PRDM16: variants seen among roughly 807,000 people sequenced by gnomAD.
PRDM16 encodes PR/SET domain 16, also known as histone-lysine N-methyltransferase PRDM16.
A neutral mutation model predicts 110.6 loss-of-function variants in PRDM16; 23 were observed. The ratio of observed to expected loss-of-function variants is 0.21; its 90% CI spans 0.15 to 0.29. PRDM16 has a LOEUF of 0.29. PRDM16 is among the 10% of genes least tolerant of loss of function. PRDM16 has a pLI of 1.00. For synonymous variants in PRDM16, 799 were observed against 781.8 expected (o/e 1.02, Z -0.37); for missense variants, 1,615 against 1,794.3 (o/e 0.90, Z 1.81).
In PRDM16 at chr1:3,418,699, A is replaced by G. The variant is rs2100677668; in HGVS notation, c.2894A>G (p.Asn965Ser). ...GGGAAGATCTTCCCCAGATCAGCCA[A>G]TCTCACCAGACACCTGAGGACGCAC... ...YCGKIFPRSA[N>S]LTRHLRTHTG... Residue 965 changes from asparagine (N) to serine (S), a missense_variant, in exon 12 of 17, where the codon AAT becomes AGT. By Grantham distance (46) the Asn-to-Ser change is conservative (BLOSUM62 1). This residue lies in a region of PRDM16 where 18 missense variants were observed against 75.2 expected (regional missense o/e 0.24). Transcript: ENST00000270722. 1 of 1,613,758 alleles carries G rather than the reference A, an allele frequency of 6.2e-7. No homozygotes were observed. The highest frequency in any genetic ancestry group is 8.5e-7 in the Non-Finnish European group (1 of 1,179,864).
chr1:3,332,102 G>A (rs887425990), intron 3 of PRDM16, among the ~76,000 whole-genome samples: 23 of 152,342 alleles, frequency 1.5e-4, no homozygotes, highest in Admixed American at 6.5e-4. Context: ...CCAAGCCCCC[G>A]ACCCTCCTGC....
intron 3 of PRDM16, among the ~76,000 whole-genome samples, chr1:3,327,868 G>GC (rs1641952458): frequency 1.3e-5 from 2 of 152,212 alleles, no homozygotes; most frequent in Non-Finnish European, 2.9e-5. Flanking sequence ...GGAAGCCAAG[G>GC]CCACTGTTAC....
chr1:3,136,355 T>G (rs1368810815), intron 1 of PRDM16, among the ~76,000 whole-genome samples: 1 of 152,170 alleles, frequency 6.6e-6, no homozygotes, highest in African/African-American at 2.4e-5. Context: ...GTGTCGTCCA[T>G]TTTACAGACG....
intron 3 of PRDM16, among the ~76,000 whole-genome samples, chr1:3,271,777 G>A (rs940663538): frequency 6.6e-6 from 1 of 152,160 alleles, no homozygotes; most frequent in Admixed American, 6.5e-5. Flanking sequence ...TGGCTGGCAC[G>A]GGACCATCTC....
chr1:3,227,041 G>A (rs1431921144), intron 2 of PRDM16, among the ~76,000 whole-genome samples: 1 of 152,236 alleles, frequency 6.6e-6, no homozygotes, highest in Non-Finnish European at 1.5e-5. Context: ...TTTAATAATA[G>A]GCTAATAACT....
rs753516768 is a variant in PRDM16 at position 3,432,128 on chromosome 1, G to C, written c.3684G>C (p.Gln1228His). The C allele has an allele frequency of 6.2e-7, 1 of 1,613,386 alleles. No individual in the cohort carries two copies. Among genetic ancestry groups the C allele is most frequent in the Non-Finnish European group, 8.5e-7 (1 of 1,179,710 alleles). The change falls in exon 16 of 17, where the codon CAG becomes CAC. Residue 1228 changes from glutamine (Q) to histidine (H), a missense_variant. By Grantham distance (24) the Gln-to-His change is conservative. This residue lies in a region of PRDM16 where 327 missense variants were observed against 359.3 expected (regional missense o/e 0.91). Coordinates refer to ENST00000270722, the MANE Select transcript of PRDM16 (RefSeq NM_022114.4). The stretch of plus-strand genomic sequence containing the variant: ...CTTTAAAACATACACTGTGCAGGCA[G>C]GCTAAGAACCAGGTAGGTACCCGCC... ...SEALKHTLCR[Q>H]AKNQAYAMML... is the part of the protein sequence containing the mutation.
chr1:3,431,166 G>A (rs942638999), intron 15 of PRDM16, 58 bp downstream of exon 15: 37 of 1,525,186 alleles, frequency 2.4e-5, no homozygotes, highest in South Asian at 6.1e-5. Flanking sequence ...CGTCCATCAC[G>A]AGGGGGACCT....
intron 3 of PRDM16, among the ~76,000 whole-genome samples, chr1:3,321,103 C>A (rs1181002402): frequency 6.6e-6 from 1 of 152,144 alleles, no homozygotes; most frequent in Non-Finnish European, 1.5e-5. Context: ...TGTGCAAGAC[C>A]AGGGGACTTT....
intron 1 of PRDM16, among the ~76,000 whole-genome samples, chr1:3,101,352 T>C (rs916505816): frequency 3.9e-5 from 6 of 152,202 alleles, no homozygotes; most frequent in Non-Finnish European, 7.3e-5. Context: ...AGGGCCGTAT[T>C]GTCTGGCCAG....
At chr1:3,192,138 G>T (rs1428198229) in intron 2 of PRDM16, among the ~76,000 whole-genome samples, 2 of 152,198 alleles carry the variant, frequency 1.3e-5, no homozygotes, top group African/African-American at 4.8e-5. Flanking sequence ...TGCTGCAGGA[G>T]ATTGTGTGTG....
intron 2 of PRDM16, among the ~76,000 whole-genome samples, chr1:3,221,580 T>C (rs557754132): frequency 7.2e-5 from 11 of 152,314 alleles, no homozygotes; most frequent in African/African-American, 2.2e-4. Flanking sequence ...CCAATGAACG[T>C]CATGCACTGC....
At chr1:3,285,114 G>A (rs1640816690) in intron 3 of PRDM16, among the ~76,000 whole-genome samples, 1 of 152,190 alleles carries the variant, frequency 6.6e-6, no homozygotes, top group African/African-American at 2.4e-5. Flanking sequence ...CCAGCCCCCA[G>A]CATTTCCTGC....
intron 1 of PRDM16, among the ~76,000 whole-genome samples, chr1:3,101,337 G>A (rs1642528945): frequency 6.6e-6 from 1 of 152,216 alleles, no homozygotes; most frequent in African/African-American, 2.4e-5. Context: ...GGAGATTAAA[G>A]CCCCAGGGCC....
chr1:3,072,505 CTG>C (rs1175953613), intron 1 of PRDM16, among the ~76,000 whole-genome samples: 7 of 152,190 alleles, frequency 4.6e-5, no homozygotes, highest in Admixed American at 1.3e-4. Flanking sequence ...TAGATGGGGA[CTG>C]TGTGTGTCTT....
intron 3 of PRDM16, among the ~76,000 whole-genome samples, chr1:3,294,815 C>T (rs916933902): frequency 1.3e-5 from 2 of 152,308 alleles, no homozygotes; most frequent in African/African-American, 2.4e-5. Flanking sequence ...ATCACGGGCA[C>T]GGCCAATGTT....
At chr1:3,402,344 A>G (rs1276712595) in intron 5 of PRDM16, among the ~76,000 whole-genome samples, 1 of 152,254 alleles carries the variant, frequency 6.6e-6, no homozygotes, top group African/African-American at 2.4e-5. Flanking sequence ...CGTAAACTTA[A>G]TAATAGCTGC....
chr1:3,350,004 G>A lies in PRDM16; in HGVS notation c.439-35148G>A, dbSNP rs570577982. Among the ~76,000 whole-genome samples the A allele has an allele frequency of 6.6e-6, 1 of 152,172 alleles. No individual in the cohort carries two copies. The highest frequency in any genetic ancestry group is 1.5e-5 in the Non-Finnish European group (1 of 68,012). On this transcript the variant is annotated intron_variant, in intron 3 of 16. Transcript: ENST00000270722. The surrounding 1 kb of genome is among the most constrained non-coding windows in gnomAD (Gnocchi z 7.1). ...TGGAGGAGACAGCAGTCAGAGGCCT[G>A]GACCTGACTCCTGTCTTTGAGGGGG...
At chr1:3,409,494 C>T (rs1643632112) in intron 8 of PRDM16, among the ~76,000 whole-genome samples, 1 of 152,150 alleles carries the variant, frequency 6.6e-6, no homozygotes, top group African/African-American at 2.4e-5. Flanking sequence ...GATGAAAGAA[C>T]ACGATCATCT....
intron 4 of PRDM16, chr1:3,386,766 G>A (rs931250263): frequency 1.3e-5 from 2 of 152,226 alleles, no homozygotes; most frequent in African/African-American, 2.4e-5. Context: ...GATTTGCAGA[G>A]TGTGTCCTTA....
Sources: gnomAD v4.1 joint callset for allele counts (sites outside exome capture counted in the v4.1 genomes callset) on GRCh38, gnomAD v4.1.1 for gene constraint, gnomAD v4.1.1 regional missense constraint, Gnocchi (gnomAD v3.1) non-coding constraint, MANE v1.5 for transcripts, NCBI Gene and HGNC (gene_info 2026-07-23, HGNC 2026-07-21) for gene names.